CDH18: variants seen among roughly 807,000 people sequenced by gnomAD.
The protein encoded by CDH18 is cadherin 18.
Under a neutral mutation model 67.9 loss-of-function variants are expected in CDH18, and 31 were observed. The observed-to-expected ratio is 0.46, with a 90% confidence interval of 0.34 to 0.62. CDH18 has a LOEUF of 0.62. CDH18 is among the 20% of genes least tolerant of loss of function. The probability of loss-of-function intolerance (pLI) is 0.01; values close to 1 mark genes in which losing one functional copy is unlikely to be tolerated. For missense variants in CDH18, 890 were observed against 975.5 expected (o/e 0.91, Z 1.17); for synonymous variants, 362 against 347.2 (o/e 1.04, Z -0.48).
intron 1 of CDH18, among the ~76,000 whole-genome samples, chr5:20,378,840 T>C (rs984707928): frequency 2.0e-5 from 3 of 152,080 alleles, no homozygotes; most frequent in African/African-American, 2.4e-5. Context: ...GCTGTCCTAG[T>C]AAAAATTCAG....
At chr5:20,511,815 G>T (rs779514846) in intron 1 of CDH18, among the ~76,000 whole-genome samples, 4 of 151,998 alleles carry the variant, frequency 2.6e-5, no homozygotes, top group Non-Finnish European at 5.9e-5. Flanking sequence ...ACAGTGTTTT[G>T]TTTTGTTTCA....
intron 8 of CDH18, among the ~76,000 whole-genome samples, chr5:19,552,110 C>A (rs1468704770): frequency 6.6e-6 from 1 of 152,014 alleles, no homozygotes; most frequent in African/African-American, 2.4e-5. Flanking sequence ...CCTATCCAGG[C>A]CAGTATGTTT....
intron 9 of CDH18, among the ~76,000 whole-genome samples, chr5:19,538,661 C>T (rs1749783631): frequency 6.6e-6 from 1 of 151,926 alleles, no homozygotes; most frequent in Non-Finnish European, 1.5e-5. Flanking sequence ...TTAGAATAAG[C>T]ACAGATTTAG....
At position 19,980,663 on chromosome 5, in the gene CDH18, G is replaced by A. The variant is rs983476384; in HGVS notation, c.-257+397C>T. ...GTGTTTGCTGCTCCAATTCCAGGCC[G>A]TTATGTTTTTAACATTTTCTCTCAT... On this transcript the variant is annotated intron_variant, in intron 2 of 12. Coordinates refer to ENST00000382275, the MANE Select transcript of CDH18 (RefSeq NM_004934.5). Among the ~76,000 whole-genome samples, 5 of 152,056 alleles carry A rather than the reference G, an allele frequency of 3.3e-5. No individual in the cohort carries two copies. In the South Asian group the frequency reaches 6.2e-4, roughly 19 times the overall value.
chr5:20,355,204 C>T (rs751083989), intron 1 of CDH18, among the ~76,000 whole-genome samples: 3 of 152,174 alleles, frequency 2.0e-5, no homozygotes, highest in Admixed American at 6.5e-5. Flanking sequence ...GCTAGTAAGA[C>T]GAAGAAACTG....
intron 2 of CDH18, among the ~76,000 whole-genome samples, chr5:20,062,991 C>CTTTTTTTTTTTTTTT (rs5866413): frequency 7.2e-6 from 1 of 139,156 alleles, no homozygotes; most frequent in Non-Finnish European, 1.5e-5. Flanking sequence ...TTTTTTCTTT[C>CTTTTTTTTTTTTTTT]TTTTTTTTTT....
intron 2 of CDH18, among the ~76,000 whole-genome samples, chr5:19,939,632 G>A (rs1424752278): frequency 1.3e-5 from 2 of 151,658 alleles, no homozygotes; most frequent in African/African-American, 4.8e-5. Flanking sequence ...CATACTGCTG[G>A]AAAATATTTT....
chr5:20,175,351 C>T (rs185522418), intron 2 of CDH18, among the ~76,000 whole-genome samples: 1 of 152,204 alleles, frequency 6.6e-6, no homozygotes, highest in Admixed American at 6.5e-5. Context: ...CTCCTGCTGC[C>T]TCCTATTTTT....
chr5:20,253,843 A>T (rs1744037370), intron 2 of CDH18, among the ~76,000 whole-genome samples: 1 of 152,190 alleles, frequency 6.6e-6, no homozygotes, highest in Non-Finnish European at 1.5e-5. Context: ...TAGTCCACAA[A>T]AATCTCTCTA....
At chr5:20,289,509 A>C (rs1746945109) in intron 1 of CDH18, among the ~76,000 whole-genome samples, 1 of 151,924 alleles carries the variant, frequency 6.6e-6, no homozygotes, top group African/African-American at 2.4e-5. Context: ...ATGTATTTGA[A>C]AGTGCACTAC....
chr5:19,555,121 T>C (rs186398181), intron 8 of CDH18, among the ~76,000 whole-genome samples: 2 of 152,312 alleles, frequency 1.3e-5, no homozygotes, highest in African/African-American at 4.8e-5. Context: ...TCAGACGTTG[T>C]ATGACTAGAG....
At chr5:20,058,367 A>T (rs995450279) in intron 2 of CDH18, among the ~76,000 whole-genome samples, 5 of 152,152 alleles carry the variant, frequency 3.3e-5, no homozygotes, top group African/African-American at 1.2e-4. Context: ...GAATTTCAAA[A>T]TGATTAAGTA....
At chr5:19,670,243 C>A (rs1349171663) in intron 5 of CDH18, among the ~76,000 whole-genome samples, 4 of 151,690 alleles carry the variant, frequency 2.6e-5, no homozygotes, top group Non-Finnish European at 5.9e-5. Context: ...TTCAGATAAA[C>A]ATGGAAACGA....
At chr5:20,083,643 T>C (rs767863598) in intron 2 of CDH18, among the ~76,000 whole-genome samples, 1 of 152,162 alleles carries the variant, frequency 6.6e-6, no homozygotes, top group African/African-American at 2.4e-5. Context: ...GATAAAGACA[T>C]GCCTGTGACT....
chr5:20,540,651 T>C (rs1337623522), intron 1 of CDH18, among the ~76,000 whole-genome samples: 1 of 152,194 alleles, frequency 6.6e-6, no homozygotes, highest in Non-Finnish European at 1.5e-5. Context: ...TGGTAGCACA[T>C]CCAGATGCTG....
intron 2 of CDH18, among the ~76,000 whole-genome samples, chr5:20,092,972 T>TA (rs1326962302): frequency 5.1e-4 from 78 of 152,306 alleles, no homozygotes; most frequent in Non-Finnish European, 9.1e-4. Context: ...AAATTTGCTT[T>TA]CTTGACTACT....
intron 5 of CDH18, among the ~76,000 whole-genome samples, chr5:19,718,009 T>G (rs903177951): frequency 1.3e-5 from 2 of 151,972 alleles, no homozygotes; most frequent in African/African-American, 4.8e-5. Flanking sequence ...CACAAGATGT[T>G]TCACCATACT....
intron 2 of CDH18, among the ~76,000 whole-genome samples, chr5:19,951,724 A>T (rs1214894114): frequency 6.6e-5 from 10 of 152,146 alleles, no homozygotes; most frequent in African/African-American, 2.2e-4. Flanking sequence ...TTTGCATTAT[A>T]GGATACTCAG....
rs1408306412 is a variant in CDH18 at position 20,059,270 on chromosome 5, T to TA, written c.-517-67257dup. Among the ~76,000 whole-genome samples the TA allele has an allele frequency of 3.3e-5, 5 of 152,086 alleles. No homozygotes were observed. In the East Asian group the frequency reaches 9.6e-4, roughly 29 times the overall value. On this transcript the variant is annotated intron_variant, in intron 2 of 14. Transcript: ENST00000507958. The stretch of plus-strand genomic sequence containing the variant: ...GGTGTGTCTATTTTGTTAATCTTTT[T>TA]AAAAAACCAGCTCCTGGATTCATGG...
Sources: gnomAD v4.1 joint callset for allele counts (sites outside exome capture counted in the v4.1 genomes callset) on GRCh38, gnomAD v4.1.1 for gene constraint, MANE v1.5 for transcripts, NCBI Gene and HGNC (gene_info 2026-07-23, HGNC 2026-07-21) for gene names.